The following EPHA3 variants were observed in gnomAD, a reference collection of about 807,000 sequenced individuals.
EPHA3 encodes the protein ephrin type-A receptor 3.
A neutral mutation model predicts 107.1 loss-of-function variants in EPHA3; 42 were observed. The ratio of observed to expected loss-of-function variants is 0.39; its 90% CI spans 0.31 to 0.51. The LOEUF is 0.51. EPHA3 is among the 20% of genes least tolerant of loss of function. The pLI, the probability that EPHA3 is intolerant of heterozygous loss-of-function variation, is 0.78. For synonymous variants in EPHA3, 461 were observed against 424.8 expected, an observed-to-expected ratio of 1.09 and a Z score of -1.05; for missense variants, 1,183 against 1,211.2, an observed-to-expected ratio of 0.98 and a Z score of 0.35.
intron 3 of EPHA3, among the ~76,000 whole-genome samples, chr3:89,228,906 T>C (rs1221743926): frequency 6.6e-6 from 1 of 151,970 alleles, no homozygotes; most frequent in East Asian, 1.9e-4. Flanking sequence ...TGAGCTTTTG[T>C]GGTTTAATGG....
chr3:89,408,217 A>T, intron 9 of EPHA3, 86 bp downstream of exon 9: 1 of 1,281,708 alleles, frequency 7.8e-7, no homozygotes, highest in Non-Finnish European at 1.1e-6. Context: ...CTTCCTCCTG[A>T]CAAAGAGACT....
intron 2 of EPHA3, among the ~76,000 whole-genome samples, chr3:89,127,722 T>C (rs1364401392): frequency 6.6e-6 from 1 of 152,000 alleles, no homozygotes; most frequent in African/African-American, 2.4e-5. Context: ...TATAAACCTA[T>C]GTTGTCTTAA....
intron 15 of EPHA3, among the ~76,000 whole-genome samples, chr3:89,452,271 G>A (rs768409633): frequency 7.9e-5 from 12 of 152,010 alleles, no homozygotes; most frequent in Non-Finnish European, 1.8e-4. Context: ...AGTTTTTTGT[G>A]GAACCTCCAT....
At chr3:89,115,246 C>CT (rs138492059) in intron 1 of EPHA3, among the ~76,000 whole-genome samples, 7,269 of 146,782 alleles carry the variant, frequency 0.05, 583 homozygotes, top group African/African-American at 0.17. Flanking sequence ...TGAAGAATAT[C>CT]TTTTTTTTTT....
intron 13 of EPHA3, among the ~76,000 whole-genome samples, chr3:89,433,887 G>A (rs1576375810): frequency 6.6e-6 from 1 of 152,076 alleles, no homozygotes; most frequent in Non-Finnish European, 1.5e-5. Flanking sequence ...CTGCAACAAA[G>A]CATCATTTTA....
At chr3:89,468,622 G>A (rs913947160) in intron 15 of EPHA3, among the ~76,000 whole-genome samples, 12 of 152,208 alleles carry the variant, frequency 7.9e-5, no homozygotes, top group East Asian at 1.9e-4. Flanking sequence ...GTGTGCGCGC[G>A]CATGCCTGTA....
intron 6 of EPHA3, among the ~76,000 whole-genome samples, chr3:89,396,495 G>T (rs1157849312): frequency 6.6e-6 from 1 of 151,992 alleles, no homozygotes; most frequent in East Asian, 1.9e-4. Flanking sequence ...TAAAGTTGTG[G>T]CTTGGTAATG....
chr3:89,410,558 A>G (rs559044604), intron 9 of EPHA3, among the ~76,000 whole-genome samples: 6 of 152,114 alleles, frequency 3.9e-5, no homozygotes, highest in African/African-American at 1.4e-4. Flanking sequence ...TGCTTAAAGT[A>G]TCATTTTATT....
At chr3:89,290,979 A>G (rs1706195432) in intron 3 of EPHA3, among the ~76,000 whole-genome samples, 2 of 152,154 alleles carry the variant, frequency 1.3e-5, no homozygotes, top group Admixed American at 1.3e-4. Context: ...AGTGACAGAT[A>G]GCTCGGTTTC....
chr3:89,304,958 C>T (rs1706578420), intron 3 of EPHA3, among the ~76,000 whole-genome samples: 1 of 152,128 alleles, frequency 6.6e-6, no homozygotes, highest in African/African-American at 2.4e-5. Flanking sequence ...GGTTAATAAG[C>T]ATTTTATTTT....
intron 3 of EPHA3, among the ~76,000 whole-genome samples, chr3:89,241,070 C>T (rs1704883063): frequency 6.6e-6 from 1 of 150,874 alleles, no homozygotes; most frequent in South Asian, 2.1e-4. Context: ...TTGTAGCTTC[C>T]TAGAGATAGT....
intron 2 of EPHA3, among the ~76,000 whole-genome samples, chr3:89,168,737 C>T (rs946314297): frequency 6.6e-6 from 1 of 151,942 alleles, no homozygotes; most frequent in Admixed American, 6.6e-5. Flanking sequence ...TTACAAAATG[C>T]ATATTTGCCT....
At chr3:89,475,810 G>T (rs1039096551) in intron 16 of EPHA3, among the ~76,000 whole-genome samples, 11 of 151,388 alleles carry the variant, frequency 7.3e-5, no homozygotes, top group African/African-American at 2.7e-4. Context: ...TCTCAGTCTG[G>T]AGCTGCTCTT....
chr3:89,431,749 T>G (rs1379260167), intron 13 of EPHA3, among the ~76,000 whole-genome samples: 1 of 152,146 alleles, frequency 6.6e-6, no homozygotes, highest in African/African-American at 2.4e-5. Context: ...AATCAATTTT[T>G]TAATAAGTAA....
At chr3:89,350,896 C>T (rs1411006136) in intron 5 of EPHA3, among the ~76,000 whole-genome samples, 1 of 151,244 alleles carries the variant, frequency 6.6e-6, no homozygotes, top group African/African-American at 2.4e-5. Flanking sequence ...TCAGTGTGCC[C>T]CTGCTGGGGG....
chr3:89,125,921 C>CA (rs924393004), intron 1 of EPHA3, among the ~76,000 whole-genome samples: 16 of 151,150 alleles, frequency 1.1e-4, no homozygotes, highest in Non-Finnish European at 2.2e-4. Flanking sequence ...ATTTCCTTCA[C>CA]AAAAAAATAG....
At chr3:89,124,306 C>T (rs1440290620) in intron 1 of EPHA3, among the ~76,000 whole-genome samples, 1 of 152,110 alleles carries the variant, frequency 6.6e-6, no homozygotes, top group Non-Finnish European at 1.5e-5. Flanking sequence ...AAATCGCTCA[C>T]AGATTTACTT....
At chr3:89,422,549 A>C (rs1021359838) in intron 11 of EPHA3, among the ~76,000 whole-genome samples, 7 of 151,382 alleles carry the variant, frequency 4.6e-5, no homozygotes, top group African/African-American at 1.7e-4. Flanking sequence ...TTGTAACAAA[A>C]TTAAACAGTA....
chr3:89,293,615 C>T (rs780687729), intron 3 of EPHA3, among the ~76,000 whole-genome samples: 16 of 152,138 alleles, frequency 1.1e-4, no homozygotes, highest in Non-Finnish European at 1.2e-4. Flanking sequence ...ATGCGTTTCT[C>T]ATGATAATGA....
Sources: gnomAD v4.1 joint callset for allele counts (sites outside exome capture counted in the v4.1 genomes callset) on GRCh38, gnomAD v4.1.1 for gene constraint, MANE v1.5 for transcripts, NCBI Gene and HGNC (gene_info 2026-07-23, HGNC 2026-07-21) for gene names.